Variants in RBBP8 observed in about 807,000 individuals in gnomAD.
RBBP8 encodes DNA endonuclease RBBP8.
In RBBP8, 88 loss-of-function variants were observed where a neutral mutation model predicts 108.3. The ratio of observed to expected loss-of-function variants is 0.81; its 90% CI spans 0.68 to 0.97. RBBP8 has a LOEUF of 0.97. Ranked by LOEUF, RBBP8 falls within the 50% of genes least tolerant of loss-of-function variation. The pLI is 0.00. For synonymous variants in RBBP8, 332 were observed against 348.2 expected (o/e 0.95, Z 0.52); for missense variants, 1,023 against 1,049.0 (o/e 0.98, Z 0.34).
intron 3 of RBBP8, chr18:22,920,732 C>CA: frequency 6.6e-6 from 1 of 152,142 alleles, no homozygotes. Flanking sequence ...CAATGTTTCT[C>CA]AAAGTGTAGT....
chr18:22,949,763 A>G (rs1911880119), intron 4 of RBBP8, 50 bp downstream of exon 4: 1 of 1,322,280 alleles, frequency 7.6e-7, no homozygotes, highest in Non-Finnish European at 1.1e-6. Flanking sequence ...CTCCATAATA[A>G]GAAGTACATT....
At chr18:23,014,487 G>T (rs944967490) in intron 16 of RBBP8, among the ~76,000 whole-genome samples, 8 of 152,096 alleles carry the variant, frequency 5.3e-5, no homozygotes, top group Non-Finnish European at 5.9e-5. Context: ...GCAAAAATTA[G>T]CTGGGTCTTG....
At position 22,996,270 on chromosome 18, in the gene RBBP8, A is replaced by G. The variant is rs373458480; in HGVS notation, c.1940-104A>G. The G allele has an allele frequency of 1.5e-4, 231 of 1,528,024 alleles. 1 individual carries two copies. The East Asian group carries it at 3.5e-3, about 23-fold the overall frequency. The allele number at this position is 1,528,024 out of a possible 1,614,324, so 94.7% of individuals were successfully genotyped here. On this transcript the variant is annotated intron_variant, in intron 12 of 18. Coordinates refer to ENST00000327155, the MANE Select transcript of RBBP8 (RefSeq NM_002894.3). ...TAGATATAAGTCCTTTACCAGACAT[A>G]TGATTTGCAAAAATTTTCTATTCTT... is the stretch of plus-strand genomic sequence containing the variant.
intron 4 of RBBP8, among the ~76,000 whole-genome samples, chr18:22,963,025 C>G (rs1030067057): frequency 2.0e-5 from 3 of 152,100 alleles, no homozygotes; most frequent in Non-Finnish European, 4.4e-5. Flanking sequence ...TCTTTCTCAT[C>G]TTTATAATTT....
chr18:22,980,341 G>A (rs1936631978), intron 6 of RBBP8, among the ~76,000 whole-genome samples: 1 of 152,184 alleles, frequency 6.6e-6, no homozygotes, highest in Non-Finnish European at 1.5e-5. Context: ...GAATAACAGG[G>A]AACAGGAGTA....
At chr18:22,960,500 C>G (rs1912998122) in intron 4 of RBBP8, among the ~76,000 whole-genome samples, 1 of 152,212 alleles carries the variant, frequency 6.6e-6, no homozygotes, top group Non-Finnish European at 1.5e-5. Flanking sequence ...GAGCAGTGAT[C>G]ATGCCACTGC....
At chr18:22,979,972 G>A (rs1316847803) in intron 6 of RBBP8, among the ~76,000 whole-genome samples, 6 of 151,996 alleles carry the variant, frequency 3.9e-5, no homozygotes, top group South Asian at 2.1e-4. Context: ...GCAGCTGGGC[G>A]CCGTGGTTCA....
intron 8 of RBBP8, among the ~76,000 whole-genome samples, chr18:22,987,150 T>C (rs1035795326): frequency 6.6e-6 from 1 of 152,082 alleles, no homozygotes; most frequent in African/African-American, 2.4e-5. Context: ...CTTTACTAAT[T>C]CCCATTCACT....
rs75491898 is a variant in RBBP8, at chr18:22,988,367, C to T, written c.710-854C>T. On this transcript the variant is annotated intron_variant, in intron 8 of 18. Transcript: ENST00000327155. Reference sequence around the variant, plus strand: ...CCTAACTGGGTTCATGTCCTACTCCCATCTTCTGTAGTTTGACTTCTAGCA... The same window carrying T: ...CCTAACTGGGTTCATGTCCTACTCCTATCTTCTGTAGTTTGACTTCTAGCA... Among the ~76,000 whole-genome samples, 491 of 152,306 alleles carry T rather than the reference C, an allele frequency of 3.2e-3. 6 individuals carry two copies. The highest frequency in any genetic ancestry group is 0.011 in the African/African-American group (474 of 41,574).
At chr18:23,011,530 G>A (rs946155258) in intron 16 of RBBP8, among the ~76,000 whole-genome samples, 2 of 148,542 alleles carry the variant, frequency 1.3e-5, no homozygotes, top group Non-Finnish European at 1.5e-5. Flanking sequence ...TCTGCCTCCC[G>A]GGTTCATGCC....
rs148697195 is a variant in RBBP8, at chr18:23,011,205, C to G, written c.2357+4773C>G. Among the ~76,000 whole-genome samples the G allele has an allele frequency of 2.8e-4, 42 of 152,236 alleles. 1 individual carries two copies. In the East Asian group the frequency reaches 7.5e-3, roughly 27 times the overall value. On this transcript the variant is annotated intron_variant, in intron 16 of 18. Transcript: ENST00000327155. ...TGTATGTGATCTTTTTATTACACTT[C>G]TATTTAAGGTATACTTTCTGTTTCA...
Position 22,990,961 on chromosome 18 carries a change from C to G in RBBP8, c.832C>G (p.Leu278Val). 1 of 1,613,706 alleles carries G rather than the reference C, an allele frequency of 6.2e-7. No individual in the cohort carries two copies. Among genetic ancestry groups the G allele is most frequent in the Non-Finnish European group, 8.5e-7 (1 of 1,179,714 alleles). ...GGAAACTCAAGGTCCCATGAGCCCC[C>G]TTGGTGATGAGCTCTACCACTGTCT... ...ESETQGPMSPLGDELYHCLEG... is the reference protein window; with the variant it reads ...ESETQGPMSPVGDELYHCLEG... The change falls in exon 10 of 19, where the codon CTT becomes GTT. Residue 278 changes from leucine (L) to valine (V), a missense_variant. Transcript: ENST00000327155.
chr18:22,992,869 C>G lies in RBBP8; in HGVS notation c.1042C>G (p.Pro348Ala). ...SGLDLNTSLS[P>A]SLLQPGKKKH... ...TTTAGATTTGAATACAAGTTTGTCC[C>G]CTTCTCTTTTACAGCCTGGGAAAAA... The change falls in exon 11 of 19, where the codon CCT (proline) becomes GCT (alanine). Residue 348 changes from proline to alanine, a missense_variant. By Grantham distance (27) the Pro-to-Ala change is conservative. Transcript: ENST00000327155. 2 of 1,613,842 alleles carry G rather than the reference C, an allele frequency of 1.2e-6. No individual in the cohort carries two copies. Among genetic ancestry groups the G allele is most frequent in the South Asian group, 2.2e-5 (2 of 91,068 alleles).
intron 4 of RBBP8, among the ~76,000 whole-genome samples, chr18:22,950,870 C>T (rs1007394399): frequency 6.6e-6 from 1 of 152,202 alleles, no homozygotes; most frequent in African/African-American, 2.4e-5. Context: ...TGCCATTGCA[C>T]TCCAGCCTGT....
At position 22,953,026 on chromosome 18, in the gene RBBP8, A is replaced by G. The variant is rs142427675; in HGVS notation, c.248+3313A>G. On this transcript the variant is annotated intron_variant, in intron 4 of 18. Transcript: ENST00000327155. Reference sequence around the variant, plus strand: ...AGCCTGAGTTCTCTGAGAAGCAAACATCAATAAGACTTTGGACACTGAAGA... The same window carrying G: ...AGCCTGAGTTCTCTGAGAAGCAAACGTCAATAAGACTTTGGACACTGAAGA... Among the ~76,000 whole-genome samples the G allele has an allele frequency of 7.9e-3, 1,211 of 152,370 alleles. 15 individuals carry two copies. Among genetic ancestry groups the G allele is most frequent in the African/African-American group, 0.027 (1,140 of 41,586 alleles).
intron 4 of RBBP8, among the ~76,000 whole-genome samples, chr18:22,952,813 G>A (rs1912157825): frequency 6.6e-6 from 1 of 152,158 alleles, no homozygotes; most frequent in Non-Finnish European, 1.5e-5. Context: ...TTTAACTCCA[G>A]CCATTGAAGA....
chr18:22,930,214 T>C (rs1421706704), upstream of RBBP8, among the ~76,000 whole-genome samples: 1 of 152,056 alleles, frequency 6.6e-6, no homozygotes, highest in East Asian at 1.9e-4. Context: ...ACTAGTTTAT[T>C]TAAATTCAGC....
intron 1 of RBBP8, among the ~76,000 whole-genome samples, chr18:22,936,001 T>A (rs1910542442): frequency 6.6e-6 from 1 of 152,214 alleles, no homozygotes; most frequent in Admixed American, 6.5e-5. Context: ...TTTTATAAAA[T>A]ATATATAGAT....
At chr18:22,923,385 A>C (rs534360041) in intron 3 of RBBP8, among the ~76,000 whole-genome samples, 82 of 152,294 alleles carry the variant, frequency 5.4e-4, no homozygotes, top group African/African-American at 1.9e-3. Context: ...GAACTCAACA[A>C]TGATTCCCCA....
Sources: gnomAD v4.1 joint callset for allele counts (sites outside exome capture counted in the v4.1 genomes callset) on GRCh38, gnomAD v4.1.1 for gene constraint, MANE v1.5 for transcripts, NCBI Gene and HGNC (gene_info 2026-07-23, HGNC 2026-07-21) for gene names.